Variants in LRRC7 observed in about 807,000 individuals in gnomAD.
LRRC7 encodes the protein leucine-rich repeat-containing protein 7.
Under a neutral mutation model 175.7 loss-of-function variants are expected in LRRC7, and 23 were observed. That is an observed-to-expected ratio of 0.13 (90% CI 0.09 to 0.19). The LOEUF (loss-of-function observed/expected upper bound fraction) is 0.19, where lower values mean the gene tolerates loss of function less well. LRRC7 is among the 10% of genes least tolerant of loss of function. The pLI is 1.00. For missense variants in LRRC7, 1,354 were observed against 1,904.7 expected (o/e 0.71, Z 5.38); for synonymous variants, 685 against 680.9 (o/e 1.01, Z -0.09).
intron 1 of LRRC7, among the ~76,000 whole-genome samples, chr1:69,648,995 A>T (rs149492991): frequency 6.6e-6 from 1 of 152,260 alleles, no homozygotes; most frequent in Admixed American, 6.5e-5. Flanking sequence ...TGAGAAAGTA[A>T]TCATGTGCTG....
At chr1:69,975,108 A>G (rs935062758) in intron 8 of LRRC7, among the ~76,000 whole-genome samples, 2 of 152,200 alleles carry the variant, frequency 1.3e-5, no homozygotes, top group African/African-American at 4.8e-5. Flanking sequence ...ATCTCTTTCC[A>G]AGTAGCCATA....
At chr1:69,988,966 TAGG>T (rs980844963) in intron 10 of LRRC7, among the ~76,000 whole-genome samples, 4 of 151,978 alleles carry the variant, frequency 2.6e-5, no homozygotes, top group Non-Finnish European at 4.4e-5. Flanking sequence ...TTCAACCAAA[TAGG>T]AGAATTTACC....
chr1:69,698,641 G>A (rs1321156796), intron 2 of LRRC7, among the ~76,000 whole-genome samples: 1 of 152,154 alleles, frequency 6.6e-6, no homozygotes, highest in African/African-American at 2.4e-5. Flanking sequence ...AGACATCCCA[G>A]TATGTATAAC....
In LRRC7 at chr1:70,137,286, A is replaced by C. The variant is rs911709431; in HGVS notation, c.*15399A>C. Among the ~76,000 whole-genome samples, 2 of 152,178 alleles carry C rather than the reference A, an allele frequency of 1.3e-5. No individual in the cohort carries two copies. The highest frequency in any genetic ancestry group is 4.8e-5 in the African/African-American group (2 of 41,450). On this transcript the variant is annotated 3_prime_UTR_variant, in exon 27 of 27. Coordinates refer to ENST00000651989, the MANE Select transcript of LRRC7 (RefSeq NM_001370785.2). ...GTCAAAGTCAGAGGGGGCTTGCTGG[A>C]ATCAAGGGCAGCTCCTCCTTTCTGG... is the stretch of plus-strand genomic sequence containing the variant.
chr1:69,640,468 A>C (rs1051039773), intron 1 of LRRC7, among the ~76,000 whole-genome samples: 8 of 151,612 alleles, frequency 5.3e-5, no homozygotes, highest in Non-Finnish European at 7.4e-5. Flanking sequence ...ACTCAGGAAC[A>C]AAGTCACTTT....
intron 12 of LRRC7, among the ~76,000 whole-genome samples, chr1:70,012,733 A>G (rs190816013): frequency 1.3e-5 from 2 of 151,558 alleles, no homozygotes; most frequent in East Asian, 3.9e-4. Flanking sequence ...GCATAAAATT[A>G]TAAAGAAAAT....
intron 2 of LRRC7, among the ~76,000 whole-genome samples, chr1:69,699,561 C>T (rs1663077021): frequency 6.6e-6 from 1 of 152,132 alleles, no homozygotes; most frequent in Non-Finnish European, 1.5e-5. Flanking sequence ...AGAATCCCTT[C>T]AGTGGCAGAA....
chr1:70,049,205 T>C (rs1660566108), intron 22 of LRRC7, among the ~76,000 whole-genome samples: 1 of 152,162 alleles, frequency 6.6e-6, no homozygotes, highest in Admixed American at 6.6e-5. Context: ...ACTATCTGTT[T>C]TACTAAAGTT....
intron 4 of LRRC7, among the ~76,000 whole-genome samples, chr1:69,805,428 G>A (rs557633889): frequency 1.3e-5 from 2 of 151,864 alleles, no homozygotes; most frequent in East Asian, 3.9e-4. Flanking sequence ...GGAGAAAATG[G>A]TACCATGCAA....
At chr1:69,947,794 C>A (rs962850833) in intron 8 of LRRC7, among the ~76,000 whole-genome samples, 3 of 151,988 alleles carry the variant, frequency 2.0e-5, no homozygotes, top group African/African-American at 7.2e-5. Context: ...TTTACATATA[C>A]ATACCTATGA....
Position 69,574,848 on chromosome 1 carries a change from A to G in LRRC7, c.2+6207A>G, listed in dbSNP as rs1012378910. Among the ~76,000 whole-genome samples, 14 of 152,242 alleles carry G rather than the reference A, an allele frequency of 9.2e-5. 1 individual carries two copies. The highest frequency in any genetic ancestry group is 8.8e-5 in the Non-Finnish European group (6 of 67,992). ...CAGTGTAATTCAAGACATGAAAAAA[A>G]TTTCTTCCCTATATCAAGTGTGATT... On this transcript the variant is annotated intron_variant, in intron 1 of 26. Coordinates refer to ENST00000651989, the MANE Select transcript of LRRC7 (RefSeq NM_001370785.2).
chr1:70,018,810 G>A lies in LRRC7; in HGVS notation c.1412G>A (p.Gly471Asp). The A allele has an allele frequency of 1.2e-6, 2 of 1,610,402 alleles. No homozygotes were observed. The highest frequency in any genetic ancestry group is 1.1e-5 in the South Asian group (1 of 90,900). ...TNYMFPQQPR[G>D]DEDFQSDSDS... is the part of the protein sequence containing the mutation. Reference sequence around the variant, plus strand: ...TACATGTTTCCCCAGCAGCCTCGTGGTGATGAAGGTAAATTGTCAGTAGAA... The same window carrying A: ...TACATGTTTCCCCAGCAGCCTCGTGATGATGAAGGTAAATTGTCAGTAGAA... Residue 471 changes from glycine (G) to aspartate (D), a missense_variant, in exon 15 of 27, where the codon GGT becomes GAT. Around this residue, in one of 4 missense-constraint regions of LRRC7, gnomAD observed 201 missense variants for 481.4 expected, o/e 0.42. Transcript: ENST00000651989.
rs1210769407 is a variant in LRRC7 at position 70,039,058 on chromosome 1, G to T, written c.3234G>T (p.Val1078=). 3.1e-6 allele frequency: 5 copies of T among 1,613,926 alleles called. No individual in the cohort carries two copies. Among genetic ancestry groups the T allele is most frequent in the Non-Finnish European group, 4.2e-6 (5 of 1,180,018 alleles). The change falls in exon 21 of 27, where the codon GTG becomes GTT. Residue 1078 remains valine (V), a synonymous_variant. Coordinates refer to ENST00000651989, the MANE Select transcript of LRRC7 (RefSeq NM_001370785.2). ...FDQSFNPQGS[V]EVKAEKRIPP... is the part of the protein sequence containing the mutation. ...AAAGCTTCAATCCTCAAGGATCAGT[G>T]GAAGTGAAAGCCGAAAAGAGGATAC...
chr1:69,586,980 C>A lies in LRRC7; in HGVS notation c.2+18339C>A, dbSNP rs1178157385. On this transcript the variant is annotated intron_variant, in intron 1 of 26. Coordinates refer to ENST00000651989, the MANE Select transcript of LRRC7 (RefSeq NM_001370785.2). ...TTTCACATTTATATCTAAATAATGA[C>A]ATTTGTAGAGGTTTTTTCTGGCATT... Among the ~76,000 whole-genome samples the A allele has an allele frequency of 2.0e-5, 3 of 152,074 alleles. No homozygotes were observed. In the South Asian group the frequency reaches 6.2e-4, roughly 31 times the overall value.
At chr1:69,934,310 A>G (rs1647719829) in intron 8 of LRRC7, among the ~76,000 whole-genome samples, 1 of 152,164 alleles carries the variant, frequency 6.6e-6, no homozygotes, top group Non-Finnish European at 1.5e-5. Flanking sequence ...TAATGAGAAC[A>G]GAAGTTGGCT....
At chr1:69,593,921 C>T (rs1646738305) in intron 1 of LRRC7, among the ~76,000 whole-genome samples, 1 of 152,194 alleles carries the variant, frequency 6.6e-6, no homozygotes, top group Non-Finnish European at 1.5e-5. Flanking sequence ...TTAACACAAT[C>T]TATCCCTAGG....
intron 7 of LRRC7, among the ~76,000 whole-genome samples, chr1:69,901,025 T>A (rs72943268): frequency 6.6e-6 from 1 of 152,202 alleles, no homozygotes; most frequent in East Asian, 1.9e-4. Context: ...GTTCCTTGAA[T>A]GCAATATTGA....
chr1:70,016,582 GA>G, intron 14 of LRRC7, 48 bp downstream of exon 14: 1 of 1,401,460 alleles, frequency 7.1e-7, no homozygotes, highest in Non-Finnish European at 9.6e-7. Flanking sequence ...AACTATAATT[GA>G]AAGTTTGAAT....
intron 11 of LRRC7, among the ~76,000 whole-genome samples, chr1:70,005,804 T>C (rs778374687): frequency 1.3e-5 from 2 of 152,222 alleles, no homozygotes; most frequent in Non-Finnish European, 1.5e-5. Context: ...ATGCAGGACC[T>C]GGGCCTCTCC....
Sources: gnomAD v4.1 joint callset for allele counts (sites outside exome capture counted in the v4.1 genomes callset) on GRCh38, gnomAD v4.1.1 for gene constraint, gnomAD v4.1.1 regional missense constraint, MANE v1.5 for transcripts, NCBI Gene and HGNC (gene_info 2026-07-23, HGNC 2026-07-21) for gene names.